The following PTGER3 variants were observed in gnomAD, a reference collection of about 807,000 sequenced individuals.
PTGER3 encodes the protein prostaglandin E receptor 3, also known as prostaglandin E2 receptor EP3 subtype.
PTGER3 carries 22 observed loss-of-function variants against 34.7 expected under a neutral mutation model. The ratio of observed to expected loss-of-function variants is 0.63; its 90% CI spans 0.45 to 0.91. PTGER3 has a LOEUF of 0.91. Ranked by LOEUF, PTGER3 falls within the 40% of genes least tolerant of loss-of-function variation. The pLI is 0.00. For missense variants in PTGER3, 468 were observed against 519.4 expected (o/e 0.90, Z 0.96); for synonymous variants, 241 against 230.1 (o/e 1.05, Z -0.43).
chr1:71,015,184 C>T (rs1657781200), intron 1 of PTGER3, among the ~76,000 whole-genome samples: 1 of 152,188 alleles, frequency 6.6e-6, no homozygotes, highest in Admixed American at 6.5e-5. Context: ...TTCCAAACCA[C>T]TGGCCTCTGA....
intron 2 of PTGER3, among the ~76,000 whole-genome samples, chr1:70,994,614 C>T (rs1218570365): frequency 6.6e-6 from 1 of 152,040 alleles, no homozygotes; most frequent in East Asian, 1.9e-4. Context: ...TGCACCACCA[C>T]GCCCGGCTAA....
At chr1:70,971,784 T>C in intron 3 of PTGER3, 51 bp from the exon 4 acceptor site, 1 of 1,346,032 alleles carries the variant, frequency 7.4e-7, no homozygotes, top group South Asian at 1.4e-5. Context: ...GGGATTATTT[T>C]TTTTAAATTT....
intron 4 of PTGER3, among the ~76,000 whole-genome samples, chr1:70,937,392 T>C (rs1572698791): frequency 6.6e-6 from 1 of 152,302 alleles, no homozygotes; most frequent in Non-Finnish European, 1.5e-5. Flanking sequence ...AAATTGAATA[T>C]GATGTCCAGC....
chr1:71,011,748 ACTTTT>A (rs959458770), intron 2 of PTGER3: 6 of 982,946 alleles, frequency 6.1e-6, no homozygotes, highest in Admixed American at 6.0e-5. Context: ...CTGTAATTAA[ACTTTT>A]CTTTAATGTA....
chr1:70,981,854 T>A (rs989953998), intron 2 of PTGER3, among the ~76,000 whole-genome samples: 1 of 152,164 alleles, frequency 6.6e-6, no homozygotes, highest in Admixed American at 6.5e-5. Flanking sequence ...CTTGCTTTAG[T>A]GATCCCTGGT....
chr1:71,039,542 C>T (rs993511193), intron 1 of PTGER3, among the ~76,000 whole-genome samples: 3 of 145,628 alleles, frequency 2.1e-5, no homozygotes, highest in Non-Finnish European at 4.5e-5. Context: ...CCCAGCTACT[C>T]GGGAGGCTGA....
intron 4 of PTGER3, chr1:70,869,460 C>G (rs1646117822): frequency 6.7e-6 from 2 of 298,804 alleles, no homozygotes; most frequent in African/African-American, 2.2e-5. Flanking sequence ...CAATAGTACC[C>G]CCAAATCTTA....
At chr1:70,986,634 A>G (rs959563962) in intron 2 of PTGER3, among the ~76,000 whole-genome samples, 1 of 152,192 alleles carries the variant, frequency 6.6e-6, no homozygotes, top group Non-Finnish European at 1.5e-5. Flanking sequence ...CAAGACAACA[A>G]TTGATTCTGG....
chr1:70,928,503 T>C (rs1648357603), intron 4 of PTGER3, among the ~76,000 whole-genome samples: 1 of 151,588 alleles, frequency 6.6e-6, no homozygotes, highest in South Asian at 2.1e-4. Context: ...CATGGTGGCA[T>C]GTGCTTATAG....
rs907702071 is a variant in PTGER3 at position 70,992,512 on chromosome 1, C to T, written c.1078-18124G>A. The stretch of plus-strand genomic sequence containing the variant: ...TTCACCCCTTACTAAAGATAGCGCT[C>T]TGTTGAACCAGTTGAACTCCTTTTG... On this transcript the variant is annotated intron_variant, in intron 2 of 3. Coordinates refer to ENST00000306666, the MANE Select transcript of PTGER3 (RefSeq NM_198719.2). Among the ~76,000 whole-genome samples, 6 of 152,210 alleles carry T rather than the reference C, an allele frequency of 3.9e-5. No homozygotes were observed. The East Asian group carries it at 1.2e-3, about 29-fold the overall frequency.
chr1:71,035,195 T>C (rs983343906), intron 1 of PTGER3, among the ~76,000 whole-genome samples: 1 of 152,210 alleles, frequency 6.6e-6, no homozygotes, highest in African/African-American at 2.4e-5. Context: ...TAATGCACAC[T>C]CTCTTATTTT....
At chr1:70,953,575 G>A (rs922524774) in intron 3 of PTGER3, among the ~76,000 whole-genome samples, 2 of 152,098 alleles carry the variant, frequency 1.3e-5, no homozygotes, top group Non-Finnish European at 2.9e-5. Context: ...TTGGGGATTT[G>A]TTGTTGTTGT....
chr1:70,984,860 T>A (rs942244127), intron 2 of PTGER3, among the ~76,000 whole-genome samples: 4 of 152,194 alleles, frequency 2.6e-5, no homozygotes, highest in African/African-American at 9.7e-5. Context: ...AGTTACACAA[T>A]TTAGAAAAAT....
chr1:70,962,017 T>C (rs1386772602), intron 2 of PTGER3, among the ~76,000 whole-genome samples: 1 of 152,238 alleles, frequency 6.6e-6, no homozygotes, highest in African/African-American at 2.4e-5. Context: ...TATAGTGACC[T>C]GATATAGTTT....
intron 4 of PTGER3, among the ~76,000 whole-genome samples, chr1:70,944,712 G>A (rs897303157): frequency 1.3e-5 from 2 of 152,042 alleles, no homozygotes; most frequent in Admixed American, 6.6e-5. Context: ...AGAACTTTCT[G>A]CTGAGACTGA....
chr1:70,904,331 T>C (rs899940808), intron 4 of PTGER3, among the ~76,000 whole-genome samples: 4 of 152,186 alleles, frequency 2.6e-5, no homozygotes, highest in African/African-American at 9.7e-5. Context: ...CCAGTAGAGT[T>C]GCTGAAAAGA....
intron 4 of PTGER3, among the ~76,000 whole-genome samples, chr1:70,941,216 C>T (rs899421336): frequency 6.6e-6 from 1 of 152,096 alleles, no homozygotes; most frequent in Non-Finnish European, 1.5e-5. Context: ...TTATGAATAT[C>T]TTTCTATAGA....
At chr1:70,921,680 G>A (rs563925885) in intron 4 of PTGER3, among the ~76,000 whole-genome samples, 20 of 152,204 alleles carry the variant, frequency 1.3e-4, no homozygotes, top group African/African-American at 4.1e-4. Flanking sequence ...AAAATAACTG[G>A]ATGAAGTTTC....
At position 70,971,636 on chromosome 1, in the gene PTGER3, A is replaced by G; in HGVS notation, c.*94T>C. ...AAGATAAAAATGAAGAAATAATCCA[A>G]ATTAAAATATATAATTATCCTTCTC... is the stretch of plus-strand genomic sequence containing the variant. On this transcript the variant is annotated 3_prime_UTR_variant, in exon 4 of 4. Coordinates refer to ENST00000306666, the MANE Select transcript of PTGER3 (RefSeq NM_198719.2). 1 of 1,446,636 alleles carries G rather than the reference A, an allele frequency of 6.9e-7. No individual in the cohort carries two copies. The highest frequency in any genetic ancestry group is 2.2e-4 in the Middle Eastern group (1 of 4,594). The allele number at this position is 1,446,636 out of a possible 1,614,324, so 89.6% of individuals were successfully genotyped here. A position where few individuals can be genotyped will look rare whatever the true frequency, so the allele number is the denominator to read the frequency against.
Sources: allele counts gnomAD v4.1 joint callset (sites outside exome capture counted in the v4.1 genomes callset), GRCh38; gene constraint gnomAD v4.1.1; transcripts MANE v1.5; gene names NCBI Gene and HGNC (gene_info 2026-07-23, HGNC 2026-07-21).